Variants in TIMM10 observed in about 807,000 individuals in gnomAD.
The protein encoded by TIMM10 is mitochondrial import inner membrane translocase subunit Tim10.
Under a neutral mutation model 9.1 loss-of-function variants are expected in TIMM10, and 13 were observed. The ratio of observed to expected loss-of-function variants is 1.42; its 90% CI spans 0.93 to 2.26. The LOEUF (loss-of-function observed/expected upper bound fraction) is 2.26. Ranked by LOEUF, TIMM10 falls within the 30% of genes most tolerant of loss-of-function variation. The pLI, the probability that TIMM10 is intolerant of heterozygous loss-of-function variation, is 0.00. For synonymous variants in TIMM10, 40 were observed against 42.1 expected (o/e 0.95, Z 0.20); for missense variants, 82 against 113.6 (o/e 0.72, Z 1.26).
At position 57,530,248 on chromosome 11, in the gene TIMM10, T is replaced by A. The variant is rs1374405196; in HGVS notation, c.-45-14A>T. 1 of 1,567,408 alleles carries A rather than the reference T, an allele frequency of 6.4e-7. No individual in the cohort carries two copies. Among genetic ancestry groups the A allele is most frequent in the Non-Finnish European group, 8.8e-7 (1 of 1,139,310 alleles). On this transcript the variant is annotated splice_polypyrimidine_tract_variant and intron_variant, in intron 1 of 2. Transcript: ENST00000257245. The stretch of plus-strand genomic sequence containing the variant: ...GGCCTCCTAATCCTGGGAGCAGACA[T>A]CACCATCAGCACCCACCGCCGCCGT...
chr11:57,529,168 T>C (rs534535045), intron 2 of TIMM10, among the ~76,000 whole-genome samples: 2 of 152,368 alleles, frequency 1.3e-5, no homozygotes, highest in Admixed American at 1.3e-4. Context: ...GTGCTTTACC[T>C]GCATTCTGTT....
At position 57,528,894 on chromosome 11, in the gene TIMM10, C is replaced by T. The variant is rs750865137; in HGVS notation, c.96G>A (p.Lys32=). ...YNRMTSACHR[K]CVPPHYKEAE... is the part of the protein sequence containing the mutation. ...CTTCCTTGTAGTGAGGAGGCACACA[C>T]TTCCGGTGGCAGGCACTGGTCATTC... Residue 32 remains lysine (K), a synonymous_variant, in exon 3 of 3, where the codon AAG becomes AAA. Transcript: ENST00000257245. 2.9e-5 allele frequency: 47 copies of T among 1,613,330 alleles called. No individual in the cohort carries two copies. The African/African-American group carries it at 6.0e-4, about 21-fold the overall frequency.
intron 2 of TIMM10, 77 bp downstream of exon 2, chr11:57,530,042 T>G: frequency 6.5e-7 from 1 of 1,535,488 alleles, no homozygotes; most frequent in Non-Finnish European, 9.0e-7. Flanking sequence ...GGAAGGAATT[T>G]GTCATAAGTC....
chr11:57,529,034 C>G (rs1944775685), intron 2 of TIMM10, 116 bp from the exon 3 acceptor site: 2 of 1,102,680 alleles, frequency 1.8e-6, no homozygotes, highest in Non-Finnish European at 2.7e-6. Flanking sequence ...AGTGTAAATC[C>G]TCAGTTTACA....
rs761888878 is a variant in TIMM10, at chr11:57,528,856, T to G, written c.134A>C (p.Lys45Thr). 7 of 1,613,834 alleles carry G rather than the reference T, an allele frequency of 4.3e-6. No individual in the cohort carries two copies. Among genetic ancestry groups the G allele is most frequent in the Non-Finnish European group, 5.9e-6 (7 of 1,180,014 alleles). Reference protein sequence around the residue: ...PPHYKEAELSKGESVCLDRCV... With the variant: ...PPHYKEAELSTGESVCLDRCV... ...TCGGTCCAGGCACACAGACTCGCCC[T>G]TGGAGAGCTCTGCTTCCTTGTAGTG... The change falls in exon 3 of 3, where the codon AAG (lysine) becomes ACG (threonine). Residue 45 changes from lysine to threonine, a missense_variant. By Grantham distance (78) the Lys-to-Thr change is moderately conservative. Coordinates refer to ENST00000257245, the MANE Select transcript of TIMM10 (RefSeq NM_012456.3).
In TIMM10 at chr11:57,528,486, TATATA is replaced by T. The variant is rs1565150966; in HGVS notation, c.*226_*230del. On this transcript the variant is annotated 3_prime_UTR_variant, in exon 3 of 3. Transcript: ENST00000257245. ...TAGTAGGTGTCAACAAACTTGTTTA[TATATA>T]TATATATATATATATATATATATAT... 5 of 5,872 alleles carry T rather than the reference TATATA, an allele frequency of 8.5e-4. No individual in the cohort carries two copies. Among genetic ancestry groups the T allele is most frequent in the South Asian group, 4.5e-3 (1 of 224 alleles). 0.4% of individuals were successfully genotyped at this position (5,872 alleles called of 1,614,324 possible). A position where few individuals can be genotyped will look rare whatever the true frequency, so the allele number is the denominator to read the frequency against.
At chr11:57,530,267 C>T in intron 1 of TIMM10, 33 bp from the exon 2 acceptor site, 4 of 1,449,284 alleles carry the variant, frequency 2.8e-6, no homozygotes, top group Non-Finnish European at 3.9e-6. Flanking sequence ...GCACCCACCG[C>T]CGCCGTTCAC....
Position 57,530,208 on chromosome 11 carries a change from A to T in TIMM10, c.-19T>A, listed in dbSNP as rs993797983. The T allele has an allele frequency of 6.2e-7, 1 of 1,613,620 alleles. No homozygotes were observed. The highest frequency in any genetic ancestry group is 1.3e-5 in the African/African-American group (1 of 74,890). On this transcript the variant is annotated 5_prime_UTR_variant, in exon 2 of 3. Transcript: ENST00000257245. ...GATCCATCTCAGCCTAGCACCGTGG[A>T]AGGGATCTCCTTCTGGCCTCCTAAT...
In TIMM10 at chr11:57,528,576, A is replaced by G. The variant is rs1944771712; in HGVS notation, c.*141T>C. The G allele has an allele frequency of 1.4e-6, 1 of 696,002 alleles. No homozygotes were observed. The highest frequency in any genetic ancestry group is 1.8e-5 in the African/African-American group (1 of 55,876). 43.1% of individuals were successfully genotyped at this position (696,002 alleles called of 1,614,324 possible). ...GACAAATACTCCTTCACCAGGAGAC[A>G]GCGCTACCACTCCGGGATCTTGAAG... On this transcript the variant is annotated 3_prime_UTR_variant, in exon 3 of 3. Coordinates refer to ENST00000257245, the MANE Select transcript of TIMM10 (RefSeq NM_012456.3).
chr11:57,528,713 G>A lies in TIMM10; in HGVS notation c.*4C>T. The A allele has an allele frequency of 6.2e-7, 1 of 1,613,412 alleles. No homozygotes were observed. The highest frequency in any genetic ancestry group is 8.5e-7 in the Non-Finnish European group (1 of 1,179,962). On this transcript the variant is annotated 3_prime_UTR_variant, in exon 3 of 3. Transcript: ENST00000257245. ...ACACCCCAGGGTGTATACTGACAGGGACCTCATGCAGGCCCAGAGCTCTGC... is the reference window on the plus strand; with the variant it reads ...ACACCCCAGGGTGTATACTGACAGGAACCTCATGCAGGCCCAGAGCTCTGC...
At position 57,530,246 on chromosome 11, in the gene TIMM10, CA is replaced by C. The variant is rs1944786365; in HGVS notation, c.-45-13del. The stretch of plus-strand genomic sequence containing the variant: ...CTGGCCTCCTAATCCTGGGAGCAGA[CA>C]TCACCATCAGCACCCACCGCCGCCG... On this transcript the variant is annotated splice_polypyrimidine_tract_variant and intron_variant, in intron 1 of 2. Transcript: ENST00000257245. The C allele has an allele frequency of 7.6e-6, 12 of 1,572,468 alleles. No individual in the cohort carries two copies. The highest frequency in any genetic ancestry group is 9.6e-6 in the Non-Finnish European group (11 of 1,143,620).
intron 1 of TIMM10, 77 bp from the exon 2 acceptor site, chr11:57,530,311 CT>C: frequency 1.0e-6 from 1 of 970,626 alleles, no homozygotes. Flanking sequence ...ATACAGAGGA[CT>C]CACAGGGCGC....
chr11:57,530,367 T>A, intron 1 of TIMM10, 133 bp from the exon 2 acceptor site: 1 of 587,320 alleles, frequency 1.7e-6, no homozygotes, highest in Non-Finnish European at 3.0e-6. Context: ...AACCACCCCA[T>A]TTCACGGATG....
At chr11:57,529,237 T>C (rs1205766407) in intron 2 of TIMM10, among the ~76,000 whole-genome samples, 1 of 152,212 alleles carries the variant, frequency 6.6e-6, no homozygotes, top group Non-Finnish European at 1.5e-5. Flanking sequence ...ATGAGGAAAT[T>C]AAGGCAAACA....
rs147027025 is a variant in TIMM10 at position 57,528,650 on chromosome 11, AC to A, written c.*66del. On this transcript the variant is annotated 3_prime_UTR_variant, in exon 3 of 3. Coordinates refer to ENST00000257245, the MANE Select transcript of TIMM10 (RefSeq NM_012456.3). ...TGGCAGTCTTCACAGATGACACCCA[AC>A]AGGGAGCACGTTTATTAAAGTGGGA... is the stretch of plus-strand genomic sequence containing the variant. 5.6e-3 allele frequency: 8,738 copies of A among 1,547,762 alleles called. 304 individuals are homozygous for A. The East Asian group carries it at 0.07, about 12-fold the overall frequency.
At position 57,528,930 on chromosome 11, in the gene TIMM10, G is replaced by C; in HGVS notation, c.72-12C>G. ...AGGCACTGGTCATTCTGGAGGGAGGGAGGGGCAAGGTCATGTCAGCAGCAT... is the reference window on the plus strand; with the variant it reads ...AGGCACTGGTCATTCTGGAGGGAGGCAGGGGCAAGGTCATGTCAGCAGCAT... On this transcript the variant is annotated splice_polypyrimidine_tract_variant and intron_variant, in intron 2 of 2. Transcript: ENST00000257245. 1 of 1,612,448 alleles carries C rather than the reference G, an allele frequency of 6.2e-7. No homozygotes were observed. The highest frequency in any genetic ancestry group is 8.5e-7 in the Non-Finnish European group (1 of 1,179,952).
At position 57,530,163 on chromosome 11, in the gene TIMM10, C is replaced by T; in HGVS notation, c.27G>A (p.Leu9=). ...TCATCTCCACCTCCAGCTCCGCAGC[C>T]AGCTGTTGGGCCCTGAGAGGATCCA... The part of the protein sequence containing the change: MDPLRAQQ[L]AAELEVEMMA... The change falls in exon 2 of 3, where the codon CTG becomes CTA. Residue 9 remains leucine, a synonymous_variant. Transcript: ENST00000257245. 1 of 1,614,190 alleles carries T rather than the reference C, an allele frequency of 6.2e-7. No individual in the cohort carries two copies. The highest frequency in any genetic ancestry group is 8.5e-7 in the Non-Finnish European group (1 of 1,180,020).
At position 57,530,202 on chromosome 11, in the gene TIMM10, C is replaced by T. The variant is rs1297505666; in HGVS notation, c.-13G>A. 1 of 1,613,984 alleles carries T rather than the reference C, an allele frequency of 6.2e-7. No individual in the cohort carries two copies. The highest frequency in any genetic ancestry group is 1.1e-5 in the South Asian group (1 of 91,070). On this transcript the variant is annotated 5_prime_UTR_variant, in exon 2 of 3. It adds an upstream start codon to the 5' untranslated region. Coordinates refer to ENST00000257245, the MANE Select transcript of TIMM10 (RefSeq NM_012456.3). ...TGAGAGGATCCATCTCAGCCTAGCA[C>T]CGTGGAAGGGATCTCCTTCTGGCCT...
At chr11:57,529,070 A>G (rs1462930639) in intron 2 of TIMM10, 152 bp from the exon 3 acceptor site, 1 of 784,982 alleles carries the variant, frequency 1.3e-6, no homozygotes, top group Non-Finnish European at 2.1e-6. Context: ...GGTCCTTGCA[A>G]GTAGGAAACT....
Sources: gnomAD v4.1 joint callset for allele counts (sites outside exome capture counted in the v4.1 genomes callset) on GRCh38, gnomAD v4.1.1 for gene constraint, MANE v1.5 for transcripts, NCBI Gene and HGNC (gene_info 2026-07-23, HGNC 2026-07-21) for gene names.